The following CPQ variants were observed in gnomAD, a reference collection of about 807,000 sequenced individuals.
CPQ encodes the protein Ser-Met dipeptidase.
In CPQ, 37 loss-of-function variants were observed where a neutral mutation model predicts 45.7. The ratio of observed to expected loss-of-function variants is 0.81; its 90% CI spans 0.62 to 1.07. CPQ has a LOEUF of 1.07. CPQ is among the 50% of genes least tolerant of loss of function. The probability of loss-of-function intolerance (pLI) is 0.00; values close to 1 mark genes in which losing one functional copy is unlikely to be tolerated. For synonymous variants in CPQ, 186 were observed against 205.8 expected (o/e 0.90, Z 0.82); for missense variants, 537 against 572.9 (o/e 0.94, Z 0.64).
chr8:96,929,504 G>A (rs1054620437), intron 4 of CPQ, among the ~76,000 whole-genome samples: 27 of 152,116 alleles, frequency 1.8e-4, no homozygotes, highest in African/African-American at 6.3e-4. Context: ...CCAATGCTGT[G>A]TGTTAGAGTG....
At chr8:96,718,961 C>A (rs1208664683) in intron 1 of CPQ, among the ~76,000 whole-genome samples, 2 of 152,260 alleles carry the variant, frequency 1.3e-5, no homozygotes, top group African/African-American at 2.4e-5. Flanking sequence ...TATTTACAAT[C>A]CCTGAGCTAG....
In CPQ at chr8:96,699,422, C is replaced by T. The variant is rs1484405833; in HGVS notation, c.-35+54020C>T. 2.6e-5 allele frequency among the ~76,000 whole-genome samples: 4 copies of T among 151,858 alleles called. 1 individual carries two copies. In the South Asian group the frequency reaches 6.2e-4, roughly 24 times the overall value. ...GCATGAATAAGACCTAGCATTTGAT[C>T]GTACAACAGGGTGACTATAGTCAAT... On this transcript the variant is annotated intron_variant, in intron 1 of 7. Coordinates refer to ENST00000220763, the MANE Select transcript of CPQ (RefSeq NM_016134.4).
intron 6 of CPQ, among the ~76,000 whole-genome samples, chr8:97,060,736 G>A (rs527871201): frequency 1.3e-5 from 2 of 152,254 alleles, no homozygotes; most frequent in East Asian, 3.9e-4. Context: ...GCTAAAATGA[G>A]TTGGGTGAAA....
intron 1 of CPQ, among the ~76,000 whole-genome samples, chr8:96,703,668 A>G (rs114445254): frequency 0.014 from 2,135 of 152,180 alleles, 39 homozygotes; most frequent in African/African-American, 0.049. Context: ...TGCATAGTTT[A>G]TTTCCCTCAA....
At chr8:96,741,331 C>A (rs945415687) in intron 1 of CPQ, among the ~76,000 whole-genome samples, 2 of 152,156 alleles carry the variant, frequency 1.3e-5, no homozygotes, top group African/African-American at 2.4e-5. Context: ...TCCCCTTTAA[C>A]ATTTTTTATT....
intron 5 of CPQ, among the ~76,000 whole-genome samples, chr8:97,023,082 T>TAC (rs1809737601): frequency 7.5e-6 from 1 of 132,500 alleles, no homozygotes; most frequent in Non-Finnish European, 1.6e-5. Context: ...TGTATATATA[T>TAC]ACACTATGTA....
intron 1 of CPQ, among the ~76,000 whole-genome samples, chr8:96,767,635 C>CGT (rs1810484488): frequency 1.5e-4 from 6 of 39,278 alleles, no homozygotes; most frequent in African/African-American, 6.6e-4. Flanking sequence ...GTTACCTATG[C>CGT]TTTTTTTTTT....
chr8:97,097,611 C>G (rs1014016962), intron 7 of CPQ, among the ~76,000 whole-genome samples: 1 of 152,086 alleles, frequency 6.6e-6, no homozygotes, highest in African/African-American at 2.4e-5. Flanking sequence ...AGTGGCTTAA[C>G]AAAACAAACA....
At chr8:96,705,676 G>A (rs1809522755) in intron 1 of CPQ, among the ~76,000 whole-genome samples, 1 of 152,000 alleles carries the variant, frequency 6.6e-6, no homozygotes, top group South Asian at 2.1e-4. Context: ...GGCCTGCCTA[G>A]GTCTCCCAAT....
intron 1 of CPQ, among the ~76,000 whole-genome samples, chr8:96,779,171 T>C (rs73696239): frequency 1.4e-3 from 216 of 152,254 alleles, no homozygotes; most frequent in African/African-American, 5.1e-3. Context: ...TTAAATAGAC[T>C]GTGACCTAAG....
chr8:97,141,652 C>CA (rs1482750979), intron 7 of CPQ, among the ~76,000 whole-genome samples: 4 of 152,052 alleles, frequency 2.6e-5, no homozygotes, highest in African/African-American at 9.7e-5. Flanking sequence ...TATAGCCCAG[C>CA]AAACCACTCC....
At chr8:96,914,694 C>A (rs1053288116) in intron 4 of CPQ, among the ~76,000 whole-genome samples, 4 of 151,990 alleles carry the variant, frequency 2.6e-5, no homozygotes, top group Non-Finnish European at 5.9e-5. Context: ...TTCGGAATTC[C>A]ACTAGGCTAA....
At chr8:97,069,840 C>A (rs755440293) in intron 7 of CPQ, among the ~76,000 whole-genome samples, 5 of 151,982 alleles carry the variant, frequency 3.3e-5, no homozygotes, top group Non-Finnish European at 7.4e-5. Context: ...GACTAGACCC[C>A]AATATTCCAT....
intron 5 of CPQ, among the ~76,000 whole-genome samples, chr8:97,028,106 T>C (rs1439488067): frequency 2.0e-5 from 3 of 152,242 alleles, no homozygotes; most frequent in Non-Finnish European, 2.9e-5. Context: ...TGCTTGTCCA[T>C]GTTTTAACTG....
At chr8:96,810,210 A>G (rs1265531419) in intron 2 of CPQ, among the ~76,000 whole-genome samples, 1 of 152,142 alleles carries the variant, frequency 6.6e-6, no homozygotes, top group Non-Finnish European at 1.5e-5. Flanking sequence ...CTTTGTCAGT[A>G]TACTCACCAG....
At chr8:97,036,064 C>G (rs1263204577) in intron 6 of CPQ, among the ~76,000 whole-genome samples, 1 of 152,162 alleles carries the variant, frequency 6.6e-6, no homozygotes, top group East Asian at 1.9e-4. Flanking sequence ...AGACCAAAGG[C>G]CTTTTTACCC....
chr8:96,653,712 A>G (rs1815604066), intron 1 of CPQ, among the ~76,000 whole-genome samples: 1 of 152,204 alleles, frequency 6.6e-6, no homozygotes, highest in South Asian at 2.1e-4. Context: ...TATATTTACT[A>G]TTTATTAAGT....
At chr8:96,776,823 A>G (rs1000749756) in intron 1 of CPQ, among the ~76,000 whole-genome samples, 4 of 152,190 alleles carry the variant, frequency 2.6e-5, no homozygotes, top group African/African-American at 9.6e-5. Flanking sequence ...ACAGTGCTCC[A>G]AAGTTGCCTT....
rs150155010 is a variant in CPQ at position 97,098,655 on chromosome 8, A to C, written c.1255+32445A>C. Among the ~76,000 whole-genome samples the C allele has an allele frequency of 1.1e-4, 17 of 152,278 alleles. No homozygotes were observed. In the East Asian group the frequency reaches 3.3e-3, roughly 29 times the overall value. ...TTCACTGATGTTCTCTGGCACAAGG[A>C]AAACTCTCATCCTCTCTGAGTGGAT... On this transcript the variant is annotated intron_variant, in intron 7 of 7. Coordinates refer to ENST00000220763, the MANE Select transcript of CPQ (RefSeq NM_016134.4).
Sources: gnomAD v4.1 joint callset for allele counts (sites outside exome capture counted in the v4.1 genomes callset) on GRCh38, gnomAD v4.1.1 for gene constraint, MANE v1.5 for transcripts, NCBI Gene and HGNC (gene_info 2026-07-23, HGNC 2026-07-21) for gene names.